The following ELF1 variants were observed in gnomAD, a reference collection of about 807,000 sequenced individuals.
ELF1 encodes the protein E74 like ETS transcription factor 1, also known as ETS-related transcription factor Elf-1.
A neutral mutation model predicts 59.9 loss-of-function variants in ELF1; 24 were observed. The ratio of observed to expected loss-of-function variants is 0.40; its 90% CI spans 0.29 to 0.56. ELF1 has a LOEUF of 0.56. Among genes scored for constraint, ELF1 ranks in the 20% least tolerant of loss-of-function variants. The pLI is 0.44. For missense variants in ELF1, 627 were observed against 742.2 expected (o/e 0.84, Z 1.80); for synonymous variants, 248 against 266.2 (o/e 0.93, Z 0.67).
chr13:41,046,654 G>A (rs1876859643), intron 1 of ELF1, among the ~76,000 whole-genome samples: 2 of 152,290 alleles, frequency 1.3e-5, no homozygotes, highest in South Asian at 4.1e-4. Flanking sequence ...TGAGAGATCT[G>A]CTGTTAGTCT....
intron 2 of ELF1, among the ~76,000 whole-genome samples, chr13:40,979,444 G>A (rs1873129512): frequency 6.6e-6 from 1 of 152,306 alleles, no homozygotes; most frequent in Non-Finnish European, 1.5e-5. Context: ...GCGGAGCCAA[G>A]ATTCAACCCA....
chr13:41,000,262 TTTTTTTG>T (rs1874352271), intron 1 of ELF1, among the ~76,000 whole-genome samples: 1 of 118,754 alleles, frequency 8.4e-6, no homozygotes, highest in African/African-American at 3.3e-5. Context: ...TTTTTTTTTT[TTTTTTTG>T]AGACAGAGTC....
chr13:41,015,872 A>G (rs1875327909), intron 1 of ELF1, among the ~76,000 whole-genome samples: 1 of 152,150 alleles, frequency 6.6e-6, no homozygotes, highest in African/African-American at 2.4e-5. Context: ...AACAAATAAT[A>G]CCTGTCTACT....
At chr13:40,974,855 T>C (rs563516237) in intron 2 of ELF1, among the ~76,000 whole-genome samples, 7 of 152,302 alleles carry the variant, frequency 4.6e-5, no homozygotes, top group African/African-American at 1.7e-4. Context: ...GCAGGGTTGT[T>C]CCTTCACTTA....
chr13:41,005,098 T>A (rs1874663916), intron 1 of ELF1, among the ~76,000 whole-genome samples: 1 of 152,172 alleles, frequency 6.6e-6, no homozygotes, highest in South Asian at 2.1e-4. Flanking sequence ...TACATCTTTA[T>A]GTCTTGTTTT....
rs1367972971 is a variant in ELF1, at chr13:40,999,815, T to TAAA, written c.-228-17536_-228-17534dup. ...CTGCTCAGGGTGTGGCAAAACTCTT[T>TAAA]AAATCACCTAATTTACTCCATGTTT... On this transcript the variant is annotated intron_variant, in intron 1 of 8. Coordinates refer to ENST00000239882, the MANE Select transcript of ELF1 (RefSeq NM_172373.4). Among the ~76,000 whole-genome samples, 3 of 152,350 alleles carry TAAA rather than the reference T, an allele frequency of 2.0e-5. No homozygotes were observed. In the East Asian group the frequency reaches 5.8e-4, roughly 29 times the overall value.
chr13:41,047,336 T>C (rs57108980), intron 1 of ELF1, among the ~76,000 whole-genome samples: 6,001 of 152,348 alleles, frequency 0.039, 281 homozygotes, highest in East Asian at 0.2. Context: ...TGCATTCCTT[T>C]GGAGGGGGAG....
chr13:41,048,401 T>C (rs1368903281), intron 1 of ELF1, among the ~76,000 whole-genome samples: 1 of 152,172 alleles, frequency 6.6e-6, no homozygotes, highest in African/African-American at 2.4e-5. Context: ...GCTGTTCTTA[T>C]TTGGCCATCT....
In ELF1 at chr13:40,932,676, A is replaced by C. The variant is rs953500404; in HGVS notation, c.*749T>G. On this transcript the variant is annotated 3_prime_UTR_variant, in exon 9 of 9. Coordinates refer to ENST00000239882, the MANE Select transcript of ELF1 (RefSeq NM_172373.4). ...ATAACCTGATAATGATTTAATTGAC[A>C]TAACTTGAAAATATAGGTATTAGAA... 6.6e-6 allele frequency: 1 copy of C among 152,268 alleles called. No individual in the cohort carries two copies. Among genetic ancestry groups the C allele is most frequent in the Non-Finnish European group, 1.5e-5 (1 of 68,048 alleles). The allele number at this position is 152,268 out of a possible 1,614,324, so 9.4% of individuals were successfully genotyped here. A position where few individuals can be genotyped will look rare whatever the true frequency, so the allele number is the denominator to read the frequency against.
chr13:41,054,945 G>T (rs979262265), intron 1 of ELF1, among the ~76,000 whole-genome samples: 1 of 152,110 alleles, frequency 6.6e-6, no homozygotes, highest in Non-Finnish European at 1.5e-5. Flanking sequence ...CTTGTCAAGG[G>T]GCTTCGTAAA....
rs1187451354 is a variant in ELF1 at position 41,005,787 on chromosome 13, C to A, written c.-229+13441G>T. Among the ~76,000 whole-genome samples, 4 of 150,388 alleles carry A rather than the reference C, an allele frequency of 2.7e-5. No homozygotes were observed. In the Admixed American group the frequency reaches 2.7e-4, roughly 10 times the overall value. Reference sequence around the variant, plus strand: ...TTAATTATAACTAAGGTGTGCTCACCTTTCACCATGCCAAGCTGCCTCCCA... The same window carrying A: ...TTAATTATAACTAAGGTGTGCTCACATTTCACCATGCCAAGCTGCCTCCCA... On this transcript the variant is annotated intron_variant, in intron 1 of 8. Transcript: ENST00000239882.
In ELF1 at chr13:40,943,162, T is replaced by G. The variant is rs753780430; in HGVS notation, c.614-18A>C. On this transcript the variant is annotated intron_variant, in intron 6 of 8. Transcript: ENST00000239882. ...TGTGTTTCCTGAAACAAAAACAATT[T>G]CTTTCTAAATGACCAAAATTTCATT... The G allele has an allele frequency of 5.4e-6, 8 of 1,489,476 alleles. No homozygotes were observed. In the East Asian group the frequency reaches 1.8e-4, roughly 34 times the overall value. 92.3% of individuals were successfully genotyped at this position (1,489,476 alleles called of 1,614,324 possible). A position where few individuals can be genotyped will look rare whatever the true frequency, so the allele number is the denominator to read the frequency against.
At chr13:41,058,949 G>A (rs1344167746) in intron 1 of ELF1, among the ~76,000 whole-genome samples, 1 of 152,136 alleles carries the variant, frequency 6.6e-6, no homozygotes, top group Non-Finnish European at 1.5e-5. Flanking sequence ...CTCCAGCCTG[G>A]GTTAACAGAG....
In ELF1 at chr13:40,940,890, G is replaced by A; in HGVS notation, c.1256+31C>T. On this transcript the variant is annotated intron_variant, in intron 8 of 8. Coordinates refer to ENST00000239882, the MANE Select transcript of ELF1 (RefSeq NM_172373.4). ...TGTCTCTGGTCAGAAACATATTGAA[G>A]TGATAAGCATCAGTAGTTTGGTTTT... is the stretch of plus-strand genomic sequence containing the variant. 4 of 1,569,288 alleles carry A rather than the reference G, an allele frequency of 2.5e-6. No homozygotes were observed. The South Asian group carries it at 3.5e-5, about 14-fold the overall frequency.
intron 1 of ELF1, among the ~76,000 whole-genome samples, chr13:41,060,572 T>TC (rs1418646169): frequency 6.6e-5 from 10 of 152,076 alleles, no homozygotes; most frequent in Non-Finnish European, 1.2e-4. Context: ...GGCGTGGCAC[T>TC]CGAGGCTCCA....
intron 1 of ELF1, among the ~76,000 whole-genome samples, chr13:41,032,590 T>G (rs1421354222): frequency 6.6e-6 from 1 of 152,022 alleles, no homozygotes; most frequent in Non-Finnish European, 1.5e-5. Context: ...CCGGGCACAG[T>G]GTCTCATGCC....
intron 3 of ELF1, among the ~76,000 whole-genome samples, chr13:40,952,832 A>G (rs1364882236): frequency 6.8e-6 from 1 of 147,582 alleles, no homozygotes; most frequent in East Asian, 1.9e-4. Flanking sequence ...TACCCCACTC[A>G]CTGCCCTCAA....
At chr13:41,055,555 A>G (rs1877253148) in intron 1 of ELF1, among the ~76,000 whole-genome samples, 1 of 151,988 alleles carries the variant, frequency 6.6e-6, no homozygotes, top group Non-Finnish European at 1.5e-5. Flanking sequence ...GCATTTATCA[A>G]ACTATGTATT....
At chr13:40,993,112 C>G (rs12873289) in intron 1 of ELF1, 214,502 of 1,598,778 alleles carry the variant, frequency 0.13, 18,843 homozygotes, top group African/African-American at 0.37. Flanking sequence ...ACTTCCTCTG[C>G]AGTGGGGTTT....
Sources: allele counts gnomAD v4.1 joint callset (sites outside exome capture counted in the v4.1 genomes callset), GRCh38; gene constraint gnomAD v4.1.1; transcripts MANE v1.5; gene names NCBI Gene and HGNC (gene_info 2026-07-23, HGNC 2026-07-21).